The following ANKS1B variants were observed in gnomAD, a reference collection of about 807,000 sequenced individuals.
The protein encoded by ANKS1B is ankyrin repeat and sterile alpha motif domain containing 1B.
ANKS1B carries 36 observed loss-of-function variants against 148.3 expected under a neutral mutation model. The ratio of observed to expected loss-of-function variants is 0.24; its 90% CI spans 0.19 to 0.32. The LOEUF (loss-of-function observed/expected upper bound fraction) is 0.32, where lower values mean the gene tolerates loss of function less well. Among genes scored for constraint, ANKS1B ranks in the 10% least tolerant of loss-of-function variants. The probability of loss-of-function intolerance (pLI) is 1.00; values close to 1 mark genes in which losing one functional copy is unlikely to be tolerated. For synonymous variants in ANKS1B, 542 were observed against 560.8 expected (o/e 0.97, Z 0.47); for missense variants, 1,157 against 1,542.6 (o/e 0.75, Z 4.19).
chr12:99,135,516 A>T (rs918757568), intron 15 of ANKS1B, among the ~76,000 whole-genome samples: 2 of 152,196 alleles, frequency 1.3e-5, no homozygotes, highest in African/African-American at 2.4e-5. Flanking sequence ...CCAGAGAGGG[A>T]GAAAGGTCAC....
intron 17 of ANKS1B, among the ~76,000 whole-genome samples, chr12:98,950,980 G>T (rs1272907828): frequency 6.6e-6 from 1 of 152,038 alleles, no homozygotes; most frequent in Admixed American, 6.6e-5. Flanking sequence ...TTCCAGCTCG[G>T]AGATTCTTAA....
At chr12:99,847,507 G>A (rs532460006) in intron 1 of ANKS1B, among the ~76,000 whole-genome samples, 10 of 152,196 alleles carry the variant, frequency 6.6e-5, no homozygotes, top group South Asian at 2.1e-4. Context: ...CACCCAGAAG[G>A]AACAAATGCC....
At chr12:99,543,073 A>G (rs370340056) in intron 9 of ANKS1B, among the ~76,000 whole-genome samples, 11 of 152,258 alleles carry the variant, frequency 7.2e-5, no homozygotes, top group African/African-American at 2.6e-4. Context: ...GTATTTAAAA[A>G]TCATATATTT....
chr12:98,942,963 T>C (rs556630643), intron 17 of ANKS1B, among the ~76,000 whole-genome samples: 1 of 152,126 alleles, frequency 6.6e-6, no homozygotes, highest in South Asian at 2.1e-4. Context: ...TAGTGAGGAG[T>C]TCAAATGAGA....
intron 8 of ANKS1B, among the ~76,000 whole-genome samples, chr12:99,690,017 C>T (rs867891073): frequency 6.6e-6 from 1 of 152,072 alleles, no homozygotes; most frequent in Admixed American, 6.6e-5. Flanking sequence ...GCTAGGGAGG[C>T]CTCAGGAAAC....
chr12:99,614,968 C>T (rs1250031242), intron 9 of ANKS1B, among the ~76,000 whole-genome samples: 3 of 150,890 alleles, frequency 2.0e-5, no homozygotes, highest in Non-Finnish European at 3.0e-5. Flanking sequence ...TCAAGGATCT[C>T]CAATGAAAGG....
chr12:98,995,781 G>T (rs1475865626), intron 17 of ANKS1B, among the ~76,000 whole-genome samples: 2 of 152,176 alleles, frequency 1.3e-5, no homozygotes, highest in African/African-American at 4.8e-5. Context: ...GAGTTCCCAG[G>T]CTTGATGCTC....
intron 12 of ANKS1B, among the ~76,000 whole-genome samples, chr12:99,320,425 G>A (rs547085909): frequency 6.6e-5 from 10 of 151,950 alleles, no homozygotes; most frequent in East Asian, 1.9e-4. Flanking sequence ...TTCTCTTCTC[G>A]CTTCATTTCA....
chr12:99,108,329 G>A (rs1170822803), intron 15 of ANKS1B, among the ~76,000 whole-genome samples: 1 of 152,198 alleles, frequency 6.6e-6, no homozygotes, highest in East Asian at 1.9e-4. Flanking sequence ...TATGTACCTT[G>A]AGGATAGAAA....
chr12:99,040,240 C>T (rs1230391053), intron 17 of ANKS1B, among the ~76,000 whole-genome samples: 1 of 151,926 alleles, frequency 6.6e-6, no homozygotes, highest in Non-Finnish European at 1.5e-5. Context: ...CCTCTCTGTT[C>T]TCTCTCACTC....
chr12:99,746,209 C>T lies in ANKS1B; in HGVS notation c.1128+26713G>A, dbSNP rs117252026. Among the ~76,000 whole-genome samples, 532 of 152,284 alleles carry T rather than the reference C, an allele frequency of 3.5e-3. 19 individuals carry two copies. In the South Asian group the frequency reaches 0.052, roughly 15 times the overall value. On this transcript the variant is annotated intron_variant, in intron 8 of 26. Transcript: ENST00000683438. ...TTCCCCAAGGTTTCTGAATAAGAAG[C>T]TATTTCCACACACTGTTAGGTGGCT...
At chr12:99,289,761 T>C (rs1489560752) in intron 12 of ANKS1B, among the ~76,000 whole-genome samples, 3 of 152,004 alleles carry the variant, frequency 2.0e-5, no homozygotes, top group East Asian at 1.9e-4. Flanking sequence ...CTATGGGTTA[T>C]AGTAAAAGCA....
intron 15 of ANKS1B, among the ~76,000 whole-genome samples, chr12:99,141,103 C>A (rs2070569589): frequency 6.6e-6 from 1 of 152,098 alleles, no homozygotes; most frequent in Non-Finnish European, 1.5e-5. Flanking sequence ...TTCCATCCTT[C>A]TTTCTTTTCC....
chr12:98,913,689 G>A (rs1255053879), intron 17 of ANKS1B, among the ~76,000 whole-genome samples: 1 of 152,144 alleles, frequency 6.6e-6, no homozygotes, highest in Non-Finnish European at 1.5e-5. Flanking sequence ...GTGCAGTGGT[G>A]CAATCTCAGC....
intron 10 of ANKS1B, among the ~76,000 whole-genome samples, chr12:99,486,475 T>C (rs996445027): frequency 2.6e-5 from 4 of 151,716 alleles, no homozygotes; most frequent in African/African-American, 9.7e-5. Context: ...TATTTATTTA[T>C]TTATTTATTT....
chr12:99,358,894 A>T (rs2092261020), intron 12 of ANKS1B, among the ~76,000 whole-genome samples: 1 of 152,184 alleles, frequency 6.6e-6, no homozygotes, highest in African/African-American at 2.4e-5. Context: ...ATTCTACTAC[A>T]GATAGGCTAT....
intron 24 of ANKS1B, among the ~76,000 whole-genome samples, chr12:98,774,047 G>A (rs2098639332): frequency 6.6e-6 from 1 of 152,152 alleles, no homozygotes; most frequent in African/African-American, 2.4e-5. Flanking sequence ...AAGGTGCAGG[G>A]GCCTGATAAG....
chr12:99,708,474 T>C (rs184676434), intron 8 of ANKS1B, among the ~76,000 whole-genome samples: 236 of 152,208 alleles, frequency 1.6e-3, no homozygotes, highest in Admixed American at 3.0e-3. Context: ...AAAAAGTCAG[T>C]TTCACTGGGC....
At chr12:99,710,508 T>C (rs1341078823) in intron 8 of ANKS1B, among the ~76,000 whole-genome samples, 1 of 152,058 alleles carries the variant, frequency 6.6e-6, no homozygotes. Context: ...ATTGTGAACA[T>C]ATGTTTTGTG....
Sources: allele counts gnomAD v4.1 joint callset (sites outside exome capture counted in the v4.1 genomes callset), GRCh38; gene constraint gnomAD v4.1.1; transcripts MANE v1.5; gene names NCBI Gene and HGNC (gene_info 2026-07-23, HGNC 2026-07-21).